ATXN2: variants seen among roughly 807,000 people sequenced by gnomAD.
ATXN2 encodes the protein ataxin-2.
ATXN2 carries 37 observed loss-of-function variants against 138.6 expected under a neutral mutation model. That is an observed-to-expected ratio of 0.27 (90% confidence interval 0.21 to 0.35). ATXN2 has a LOEUF of 0.35. Among genes scored for constraint, ATXN2 ranks in the 10% least tolerant of loss-of-function variants. The pLI, the probability that ATXN2 is intolerant of heterozygous loss-of-function variation, is 1.00. For missense variants in ATXN2, 1,216 were observed against 1,480.3 expected, an observed-to-expected ratio of 0.82 and a Z score of 2.93; for synonymous variants, 549 against 543.7, an observed-to-expected ratio of 1.01 and a Z score of -0.13.
In ATXN2 at chr12:111,522,359, C is replaced by T. The variant is rs539734790; in HGVS notation, c.697-1386G>A. ...GGCACGGTGGCTCATGCCTGGTATC[C>T]CAGCACTTTGGGAGGCCGAGGCAGG... On this transcript the variant is annotated intron_variant, in intron 6 of 24. Coordinates refer to ENST00000673436, the MANE Select transcript of ATXN2 (RefSeq NM_001372574.1). 3.3e-5 allele frequency among the ~76,000 whole-genome samples: 5 copies of T among 152,240 alleles called. No homozygotes were observed. The South Asian group carries it at 6.2e-4, about 19-fold the overall frequency.
At position 111,510,413 on chromosome 12, in the gene ATXN2, C is replaced by T. The variant is rs749304471; in HGVS notation, c.1728G>A (p.Ser576=). ...CACTAGAAGGGGTAACAGCTCTGTT[C>T]GATGCAGGACTAGCAGGCGTAGGAG... is the stretch of plus-strand genomic sequence containing the variant. ...AASPTPASPA[S]NRAVTPSSEA... Residue 576 remains serine (S), a synonymous_variant, in exon 12 of 25, where the codon TCG becomes TCA. Coordinates refer to ENST00000673436, the MANE Select transcript of ATXN2 (RefSeq NM_001372574.1). The T allele has an allele frequency of 3.1e-6, 5 of 1,614,030 alleles. No individual in the cohort carries two copies. Among genetic ancestry groups the T allele is most frequent in the South Asian group, 2.2e-5 (2 of 91,052 alleles).
intron 5 of ATXN2, among the ~76,000 whole-genome samples, chr12:111,533,125 A>G (rs1280217654): frequency 2.0e-5 from 3 of 152,262 alleles, no homozygotes; most frequent in Admixed American, 2.0e-4. Flanking sequence ...GTGATGACAC[A>G]GTCATGAAAG....
At chr12:111,461,605 AC>A (rs1793657999) in intron 21 of ATXN2, among the ~76,000 whole-genome samples, 1 of 152,096 alleles carries the variant, frequency 6.6e-6, no homozygotes, top group African/African-American at 2.4e-5. Flanking sequence ...TGACAGTGAC[AC>A]AAAGCAGGGT....
chr12:111,572,358 A>G (rs528899232), intron 1 of ATXN2, among the ~76,000 whole-genome samples: 1 of 151,860 alleles, frequency 6.6e-6, no homozygotes, highest in Non-Finnish European at 1.5e-5. Context: ...CCAAGATGGC[A>G]CCATTGCACT....
At chr12:111,472,875 A>AG (rs1287558787) in intron 18 of ATXN2, among the ~76,000 whole-genome samples, 1 of 152,202 alleles carries the variant, frequency 6.6e-6, no homozygotes, top group African/African-American at 2.4e-5. Context: ...CATCCAGCCA[A>AG]GGATAAACTT....
intron 1 of ATXN2, among the ~76,000 whole-genome samples, chr12:111,580,990 T>G (rs1259776592): frequency 6.6e-6 from 1 of 151,252 alleles, no homozygotes; most frequent in Admixed American, 6.6e-5. Context: ...ATACAAAACC[T>G]AGCCGGCTGT....
chr12:111,488,538 C>A lies in ATXN2; in HGVS notation c.2178G>T (p.Gln726His), dbSNP rs1015486105. The A allele has an allele frequency of 1.2e-6, 2 of 1,614,146 alleles. No homozygotes were observed. The highest frequency in any genetic ancestry group is 1.7e-6 in the Non-Finnish European group (2 of 1,180,020). ...CTTGTTTACATGCTGGGCTGGAAGT[C>A]TGAACCCCTTGGGAAGTGACCTCAG... ...RGPEVTSQGV[Q>H]TSSPACKQEK... The change falls in exon 15 of 25, where the codon CAG becomes CAT. Residue 726 changes from glutamine to histidine, a missense_variant. Around this residue, in one of 4 missense-constraint regions of ATXN2, gnomAD observed 490 missense variants for 653.5 expected, o/e 0.75. Coordinates refer to ENST00000673436, the MANE Select transcript of ATXN2 (RefSeq NM_001372574.1).
At chr12:111,510,695 T>A in intron 11 of ATXN2, 113 bp from the exon 12 acceptor site, 1 of 966,616 alleles carries the variant, frequency 1.0e-6, no homozygotes, top group South Asian at 1.9e-5. Flanking sequence ...TCTCTAGCCC[T>A]TACCCTTTAT....
At position 111,581,959 on chromosome 12, in the gene ATXN2, A is replaced by C. The variant is rs572186321; in HGVS notation, c.251+16825T>G. On this transcript the variant is annotated intron_variant, in intron 1 of 24. Transcript: ENST00000673436. ...CGTGTTTCTGGTTTAAAAAAAAAAA[A>C]AAAACACCAGAGCCATTCCAACTCC... Among the ~76,000 whole-genome samples, 21 of 152,202 alleles carry C rather than the reference A, an allele frequency of 1.4e-4. 2 individuals are homozygous for C. In the East Asian group the frequency reaches 2.7e-3, roughly 20 times the overall value.
At chr12:111,578,268 T>C (rs1451880620) in intron 1 of ATXN2, among the ~76,000 whole-genome samples, 2 of 152,194 alleles carry the variant, frequency 1.3e-5, no homozygotes, top group African/African-American at 4.8e-5. Flanking sequence ...TACAGTAGCA[T>C]ACAGTAATGT....
chr12:111,491,122 G>A (rs753754767), intron 14 of ATXN2, among the ~76,000 whole-genome samples: 2 of 152,026 alleles, frequency 1.3e-5, no homozygotes, highest in Admixed American at 6.6e-5. Flanking sequence ...AGGTGGTAGC[G>A]CATGCCGGTA....
At chr12:111,498,007 C>T (rs1878534984) in intron 14 of ATXN2, among the ~76,000 whole-genome samples, 1 of 152,008 alleles carries the variant, frequency 6.6e-6, no homozygotes. Flanking sequence ...CAGAGTGAGA[C>T]TCCATCTCAA....
chr12:111,527,888 T>C (rs896974334), intron 5 of ATXN2, among the ~76,000 whole-genome samples: 4 of 152,242 alleles, frequency 2.6e-5, no homozygotes, highest in African/African-American at 9.6e-5. Context: ...GTTATGTGGA[T>C]TGCTGGCAAA....
At chr12:111,494,255 G>C (rs1264058094) in intron 14 of ATXN2, among the ~76,000 whole-genome samples, 1 of 151,790 alleles carries the variant, frequency 6.6e-6, no homozygotes, top group Non-Finnish European at 1.5e-5. Context: ...TTAAGACATA[G>C]TATAATAAAG....
At chr12:111,568,878 G>C (rs966520382) in intron 1 of ATXN2, among the ~76,000 whole-genome samples, 95 of 152,268 alleles carry the variant, frequency 6.2e-4, no homozygotes, top group African/African-American at 2.3e-3. Context: ...ATTATTATTA[G>C]AAAGGGAAAT....
At chr12:111,559,275 ATTC>A (rs947034888) in intron 1 of ATXN2, among the ~76,000 whole-genome samples, 2 of 151,204 alleles carry the variant, frequency 1.3e-5, no homozygotes, top group African/African-American at 4.9e-5. Flanking sequence ...TAATTTTTGT[ATTC>A]TTAGTAGAGA....
At chr12:111,546,734 A>G (rs1229440833) in intron 5 of ATXN2, among the ~76,000 whole-genome samples, 1 of 152,260 alleles carries the variant, frequency 6.6e-6, no homozygotes, top group Non-Finnish European at 1.5e-5. Context: ...GGACAATTCC[A>G]AAGATACACG....
At chr12:111,455,720 A>G (rs949620281) in intron 23 of ATXN2, 1 of 457,748 alleles carries the variant, frequency 2.2e-6, no homozygotes, top group Non-Finnish European at 4.0e-6. Flanking sequence ...TATAGTAGTG[A>G]GGCTATATAG....
Position 111,470,730 on chromosome 12 carries a change from G to A in ATXN2, c.2537C>T (p.Pro846Leu), listed in dbSNP as rs1158857350. 2 of 1,613,996 alleles carry A rather than the reference G, an allele frequency of 1.2e-6. No individual in the cohort carries two copies. Among genetic ancestry groups the A allele is most frequent in the Non-Finnish European group, 1.7e-6 (2 of 1,180,012 alleles). Reference sequence around the variant, plus strand: ...ATGATGCTGGTCTTGCCGCTGTTGGGGCATATTTGGTACTGCAGAAAAAAA... The same window carrying A: ...ATGATGCTGGTCTTGCCGCTGTTGGAGCATATTTGGTACTGCAGAAAAAAA... ...TYRAGKVPNMPQQRQDQHHQS... is the reference protein window; with the variant it reads ...TYRAGKVPNMLQQRQDQHHQS... Residue 846 changes from proline to leucine, a missense_variant, in exon 19 of 25, where the codon CCC (proline) becomes CTC (leucine). Physicochemically the swap from Pro to Leu is moderately conservative, Grantham distance 98. Around this residue, in one of 4 missense-constraint regions of ATXN2, gnomAD observed 490 missense variants for 653.5 expected, o/e 0.75. Coordinates refer to ENST00000673436, the MANE Select transcript of ATXN2 (RefSeq NM_001372574.1).
Sources: allele counts gnomAD v4.1 joint callset (sites outside exome capture counted in the v4.1 genomes callset), GRCh38; gene constraint gnomAD v4.1.1; regional missense constraint gnomAD v4.1.1; transcripts MANE v1.5; gene names NCBI Gene and HGNC (gene_info 2026-07-23, HGNC 2026-07-21).